DPP6: variants seen among roughly 807,000 people sequenced by gnomAD.
The protein encoded by DPP6 is dipeptidyl peptidase like 6.
In DPP6, 69 loss-of-function variants were observed where a neutral mutation model predicts 122.6. The observed-to-expected ratio is 0.56, with a 90% confidence interval of 0.46 to 0.69. The LOEUF (loss-of-function observed/expected upper bound fraction) is 0.69, where lower values mean the gene tolerates loss of function less well. Among genes scored for constraint, DPP6 ranks in the 30% least tolerant of loss-of-function variants. The pLI, the probability that DPP6 is intolerant of heterozygous loss-of-function variation, is 0.00. For synonymous variants in DPP6, 418 were observed against 433.1 expected (o/e 0.97, Z 0.43); for missense variants, 928 against 1,116.9 (o/e 0.83, Z 2.41).
At chr7:153,756,825 A>G in the DPP6 span, among the ~76,000 whole-genome samples, 2 of 151,904 alleles carry the variant, frequency 1.3e-5, no homozygotes, top group African/African-American at 2.4e-5. Flanking sequence ...TTTTGGCTTT[A>G]CATTTTATTG....
intron 1 of DPP6, among the ~76,000 whole-genome samples, chr7:154,357,775 C>A (rs1414234001): frequency 2.0e-5 from 3 of 151,932 alleles, no homozygotes; most frequent in Non-Finnish European, 4.4e-5. Flanking sequence ...AACCCCATAT[C>A]TACTAAAAAT....
chr7:154,820,460 T>C (rs1223443819), intron 16 of DPP6, among the ~76,000 whole-genome samples: 1 of 152,202 alleles, frequency 6.6e-6, no homozygotes, highest in African/African-American at 2.4e-5. Flanking sequence ...ATAGGTAAAG[T>C]AGTCAAATAC....
intron 1 of DPP6, among the ~76,000 whole-genome samples, chr7:154,211,477 A>T (rs148736033): frequency 2.8e-4 from 43 of 152,274 alleles, no homozygotes; most frequent in African/African-American, 8.7e-4. Context: ...AAGTGTTACC[A>T]GTTGATGTTG....
chr7:154,021,580 G>C (rs1051568548), intron 1 of DPP6, among the ~76,000 whole-genome samples: 2 of 152,146 alleles, frequency 1.3e-5, no homozygotes, highest in African/African-American at 4.8e-5. Context: ...TCCCAAACGA[G>C]GGCCAGTTAT....
chr7:154,076,497 T>A (rs956949598), intron 1 of DPP6, among the ~76,000 whole-genome samples: 1 of 150,654 alleles, frequency 6.6e-6, no homozygotes, highest in Non-Finnish European at 1.5e-5. Flanking sequence ...AATAGTTCCA[T>A]ATAAAAAATA....
chr7:153,852,151 C>G, the DPP6 span, among the ~76,000 whole-genome samples: 2 of 152,120 alleles, frequency 1.3e-5, no homozygotes, highest in Non-Finnish European at 2.9e-5. Context: ...CTGTTAGGCT[C>G]GATGTCAGCA....
chr7:154,271,253 C>G (rs141638902), intron 1 of DPP6, among the ~76,000 whole-genome samples: 2 of 152,110 alleles, frequency 1.3e-5, no homozygotes. Context: ...ATGTGTCGAT[C>G]CAATCAGACA....
At chr7:154,385,041 G>C (rs2151151592) in intron 1 of DPP6, among the ~76,000 whole-genome samples, 1 of 152,198 alleles carries the variant, frequency 6.6e-6, no homozygotes, top group South Asian at 2.1e-4. Flanking sequence ...TGCGATCTCG[G>C]CTCACGGCAA....
chr7:154,044,345 A>G (rs1316239349), intron 1 of DPP6, among the ~76,000 whole-genome samples: 1 of 152,188 alleles, frequency 6.6e-6, no homozygotes, highest in Non-Finnish European at 1.5e-5. Flanking sequence ...ATTACCCACA[A>G]GAAGCAGATA....
intron 1 of DPP6, among the ~76,000 whole-genome samples, chr7:154,387,690 C>G (rs112599016): frequency 1.2e-4 from 18 of 152,206 alleles, no homozygotes; most frequent in Non-Finnish European, 2.5e-4. Context: ...CAGCCTCCCC[C>G]CAACCGAGCC....
At position 154,651,469 on chromosome 7, in the gene DPP6, C is replaced by T. The variant is rs140851514; in HGVS notation, c.680+13596C>T. Reference sequence around the variant, plus strand: ...CGTCTGCACCCTACCTCGATGAGATCTCCCCTTCCGTGGGCTAAACAAAAC... The same window carrying T: ...CGTCTGCACCCTACCTCGATGAGATTTCCCCTTCCGTGGGCTAAACAAAAC... On this transcript the variant is annotated intron_variant, in intron 6 of 25. Coordinates refer to ENST00000377770, the MANE Select transcript of DPP6 (RefSeq NM_130797.4). 4.0e-4 allele frequency among the ~76,000 whole-genome samples: 61 copies of T among 152,194 alleles called. No homozygotes were observed. The East Asian group carries it at 9.7e-3, about 24-fold the overall frequency.
the DPP6 span, among the ~76,000 whole-genome samples, chr7:153,814,391 C>A: frequency 1.4e-5 from 1 of 70,136 alleles, no homozygotes; most frequent in East Asian, 4.7e-4. Flanking sequence ...ATACACCCTC[C>A]CAAGACTCTA....
chr7:154,809,181 A>G (rs552250398), intron 16 of DPP6, among the ~76,000 whole-genome samples: 2 of 152,140 alleles, frequency 1.3e-5, no homozygotes, highest in South Asian at 2.1e-4. Flanking sequence ...TTTATTACCT[A>G]TGCCACCAAG....
intron 4 of DPP6, among the ~76,000 whole-genome samples, chr7:154,560,806 C>T (rs978874120): frequency 2.0e-5 from 3 of 151,576 alleles, no homozygotes; most frequent in African/African-American, 7.3e-5. Flanking sequence ...TCGCTTGAAC[C>T]CAGGATGCAG....
Position 154,885,752 on chromosome 7 carries a change from G to T in DPP6, c.2245+8G>T, listed in dbSNP as rs752916936. On this transcript the variant is annotated splice_region_variant and intron_variant, in intron 22 of 25. Coordinates refer to ENST00000377770, the MANE Select transcript of DPP6 (RefSeq NM_130797.4). ...CAGACTTCAAACTCTATGGTAAATA[G>T]CCCTGCAGGACCAAGCGACGGGCTC... The T allele has an allele frequency of 2.5e-6, 4 of 1,580,590 alleles. No homozygotes were observed. The highest frequency in any genetic ancestry group is 3.4e-6 in the Non-Finnish European group (4 of 1,163,204).
intron 1 of DPP6, among the ~76,000 whole-genome samples, chr7:153,937,777 T>C (rs1801525180): frequency 6.6e-6 from 1 of 152,154 alleles, no homozygotes; most frequent in Admixed American, 6.5e-5. Flanking sequence ...ATTTTCATCA[T>C]GTTCAGCTTG....
chr7:154,084,907 G>A (rs879824611), intron 1 of DPP6, among the ~76,000 whole-genome samples: 5 of 144,722 alleles, frequency 3.5e-5, no homozygotes, highest in Non-Finnish European at 5.9e-5. Flanking sequence ...GGAGAATGGT[G>A]TGAACCCGGG....
chr7:153,787,509 A>G, the DPP6 span, among the ~76,000 whole-genome samples: 13 of 127,968 alleles, frequency 1.0e-4, 1 homozygote, highest in East Asian at 2.7e-3. Flanking sequence ...GCCTAGCTCT[A>G]ATCCCAGCAC....
chr7:153,790,535 A>G, the DPP6 span, among the ~76,000 whole-genome samples: 1 of 152,206 alleles, frequency 6.6e-6, no homozygotes, highest in Admixed American at 6.5e-5. Context: ...AGACTTCATA[A>G]GGTTTGCTGA....
Sources: allele counts gnomAD v4.1 joint callset (sites outside exome capture counted in the v4.1 genomes callset), GRCh38; gene constraint gnomAD v4.1.1; transcripts MANE v1.5; gene names NCBI Gene and HGNC (gene_info 2026-07-23, HGNC 2026-07-21).